The following FAM184B variants were observed in gnomAD, a reference collection of about 807,000 sequenced individuals.
FAM184B encodes the protein family with sequence similarity 184 member B, also known as protein FAM184B.
FAM184B carries 111 observed loss-of-function variants against 135.9 expected under a neutral mutation model. That is an observed-to-expected ratio of 0.82 (90% CI 0.70 to 0.96). FAM184B has a LOEUF of 0.96. Ranked by LOEUF, FAM184B falls within the 40% of genes least tolerant of loss-of-function variation. The pLI, the probability that FAM184B is intolerant of heterozygous loss-of-function variation, is 0.00. For missense variants in FAM184B, 1,375 were observed against 1,323.9 expected, an observed-to-expected ratio of 1.04 and a Z score of -0.60; for synonymous variants, 552 against 524.8, an observed-to-expected ratio of 1.05 and a Z score of -0.71.
At position 17,760,873 on chromosome 4, in the gene FAM184B, C is replaced by T. The variant is rs139198934; in HGVS notation, c.141+20286G>A. 8.5e-5 allele frequency among the ~76,000 whole-genome samples: 13 copies of T among 152,328 alleles called. No homozygotes were observed. The South Asian group carries it at 2.5e-3, about 29-fold the overall frequency. The stretch of plus-strand genomic sequence containing the variant: ...CTTCGGGATTTTCAGTTGAGTCGTG[C>T]TGTAGAGAACTGAAGCCTCTTCAAA... On this transcript the variant is annotated intron_variant, in intron 1 of 17. Coordinates refer to ENST00000265018, the MANE Select transcript of FAM184B (RefSeq NM_015688.2).
chr4:17,669,916 C>T (rs1716132706), intron 7 of FAM184B, among the ~76,000 whole-genome samples: 1 of 152,158 alleles, frequency 6.6e-6, no homozygotes, highest in Non-Finnish European at 1.5e-5. Flanking sequence ...ATCCCAGAGC[C>T]AGGATTCAAA....
Position 17,639,250 on chromosome 4 carries a change from T to TCGG in FAM184B, c.2663_2665dup (p.Ala888dup). 6.4e-7 allele frequency: 1 copy of TCGG among 1,551,402 alleles called. No homozygotes were observed. Among genetic ancestry groups the TCGG allele is most frequent in the Non-Finnish European group, 8.7e-7 (1 of 1,146,784 alleles). ...CCCTGGGGCCCGAGGCCTCACTTAC[T>TCGG]CGGCTTCCAGGGCAGCCAGCCGGGC... On this transcript the variant is annotated inframe_insertion and splice_region_variant, in exon 14 of 18. Coordinates refer to ENST00000265018, the MANE Select transcript of FAM184B (RefSeq NM_015688.2).
At chr4:17,713,738 T>C (rs188624545) in intron 1 of FAM184B, among the ~76,000 whole-genome samples, 17 of 152,320 alleles carry the variant, frequency 1.1e-4, no homozygotes, top group African/African-American at 3.8e-4. Context: ...ACACTGCATC[T>C]CACCGTCTCA....
At chr4:17,697,287 T>C (rs765963697) in intron 5 of FAM184B, among the ~76,000 whole-genome samples, 3 of 152,182 alleles carry the variant, frequency 2.0e-5, no homozygotes, top group South Asian at 2.1e-4. Context: ...TCTGAAAAGA[T>C]ACTGCTGCTG....
At chr4:17,640,060 G>C (rs183990203) in intron 13 of FAM184B, among the ~76,000 whole-genome samples, 2,292 of 151,554 alleles carry the variant, frequency 0.015, 65 homozygotes, top group African/African-American at 0.052. Flanking sequence ...TCGAACTCCT[G>C]ACCTCGGGTG....
At chr4:17,660,171 G>T (rs1715880639) in intron 8 of FAM184B, 84 bp from the exon 9 acceptor site, 1 of 1,478,728 alleles carries the variant, frequency 6.8e-7, no homozygotes, top group Non-Finnish European at 9.1e-7. Flanking sequence ...CAGCCACTGT[G>T]CCTGGGAGGA....
At chr4:17,643,220 C>T (rs1680199178) in intron 12 of FAM184B, among the ~76,000 whole-genome samples, 1 of 152,192 alleles carries the variant, frequency 6.6e-6, no homozygotes, top group African/African-American at 2.4e-5. Context: ...AATTAGATCC[C>T]AGTAGGACAG....
At chr4:17,740,969 C>T (rs556431005) in intron 1 of FAM184B, among the ~76,000 whole-genome samples, 24 of 152,296 alleles carry the variant, frequency 1.6e-4, no homozygotes, top group African/African-American at 5.3e-4. Flanking sequence ...ATACCCACCC[C>T]CAGTTTCTTA....
Position 17,636,654 on chromosome 4 carries a change from A to G in FAM184B, c.2667-9T>C, listed in dbSNP as rs887549558. On this transcript the variant is annotated splice_polypyrimidine_tract_variant and intron_variant, in intron 14 of 17. Coordinates refer to ENST00000265018, the MANE Select transcript of FAM184B (RefSeq NM_015688.2). ...CTCCGGAATCTTTCAGTCTGTTCCA[A>G]GCAGGCATGCAGTCAAGTCCCCCTT... The G allele has an allele frequency of 1.4e-5, 21 of 1,542,150 alleles. No individual in the cohort carries two copies. The African/African-American group carries it at 2.2e-4, about 16-fold the overall frequency.
At chr4:17,754,475 C>T (rs923294142) in intron 1 of FAM184B, among the ~76,000 whole-genome samples, 1 of 150,702 alleles carries the variant, frequency 6.6e-6, no homozygotes, top group Non-Finnish European at 1.5e-5. Flanking sequence ...CGCTTGAACC[C>T]GGGAGGCGGA....
chr4:17,765,285 T>G (rs191750924), intron 1 of FAM184B, among the ~76,000 whole-genome samples: 15 of 152,252 alleles, frequency 9.9e-5, no homozygotes, highest in African/African-American at 3.6e-4. Flanking sequence ...CTTCAAATCT[T>G]CCTAATATTC....
chr4:17,727,383 G>C (rs1717665521), intron 1 of FAM184B, among the ~76,000 whole-genome samples: 1 of 152,194 alleles, frequency 6.6e-6, no homozygotes, highest in Admixed American at 6.5e-5. Context: ...ACTTAGGCAT[G>C]TCCTACAGTC....
chr4:17,745,721 T>C (rs1000909364), intron 1 of FAM184B, among the ~76,000 whole-genome samples: 2 of 152,210 alleles, frequency 1.3e-5, no homozygotes, highest in Non-Finnish European at 2.9e-5. Flanking sequence ...GGTTTCTGAT[T>C]TTCAGAGGAC....
intron 6 of FAM184B, among the ~76,000 whole-genome samples, chr4:17,692,879 T>C (rs1716766779): frequency 1.3e-5 from 2 of 152,166 alleles, no homozygotes; most frequent in African/African-American, 2.4e-5. Context: ...GAAAAAAGTA[T>C]AGTCTGGATG....
chr4:17,749,584 T>C (rs775854704), intron 1 of FAM184B, among the ~76,000 whole-genome samples: 8 of 152,208 alleles, frequency 5.3e-5, no homozygotes, highest in South Asian at 2.1e-4. Context: ...ATTAAATTAT[T>C]AGTGCCATCT....
chr4:17,690,524 C>T (rs933276373), intron 6 of FAM184B, among the ~76,000 whole-genome samples: 3 of 152,062 alleles, frequency 2.0e-5, no homozygotes, highest in African/African-American at 7.2e-5. Context: ...CTAGAGAGAA[C>T]GTGGAGGCAG....
intron 15 of FAM184B, among the ~76,000 whole-genome samples, 167 bp from the exon 16 acceptor site, chr4:17,635,280 T>C (rs980398067): frequency 6.6e-6 from 1 of 152,156 alleles, no homozygotes; most frequent in East Asian, 1.9e-4. Flanking sequence ...AGGAAGCACC[T>C]TTGCTTTTTT....
chr4:17,663,741 C>T (rs1184014130), intron 8 of FAM184B, among the ~76,000 whole-genome samples: 3 of 152,070 alleles, frequency 2.0e-5, no homozygotes, highest in Admixed American at 2.0e-4. Flanking sequence ...TGCCCCCACC[C>T]AAATCTCATC....
intron 16 of FAM184B, 162 bp from the exon 17 acceptor site, chr4:17,634,050 C>T (rs1715050123): frequency 4.0e-6 from 2 of 502,398 alleles, no homozygotes; most frequent in Admixed American, 8.3e-5. Flanking sequence ...CTTTTCCCTC[C>T]AATCTTCATT....
Sources: gnomAD v4.1 joint callset for allele counts (sites outside exome capture counted in the v4.1 genomes callset) on GRCh38, gnomAD v4.1.1 for gene constraint, MANE v1.5 for transcripts, NCBI Gene and HGNC (gene_info 2026-07-23, HGNC 2026-07-21) for gene names.